The following DAB1 variants were observed in gnomAD, a reference collection of about 807,000 sequenced individuals.
The protein encoded by DAB1 is disabled homolog 1.
DAB1 carries 15 observed loss-of-function variants against 64.6 expected under a neutral mutation model. The observed-to-expected ratio is 0.23, with a 90% CI of 0.16 to 0.36. DAB1 has a LOEUF of 0.36. Ranked by LOEUF, DAB1 falls within the 10% of genes least tolerant of loss-of-function variation. The probability of loss-of-function intolerance (pLI) is 1.00; values close to 1 mark genes in which losing one functional copy is unlikely to be tolerated. For missense variants in DAB1, 596 were observed against 706.7 expected (o/e 0.84, Z 1.78); for synonymous variants, 235 against 251.9 (o/e 0.93, Z 0.64).
chr1:57,686,626 C>T (rs2101706372), intron 6 of DAB1, among the ~76,000 whole-genome samples: 1 of 152,230 alleles, frequency 6.6e-6, no homozygotes, highest in East Asian at 1.9e-4. Flanking sequence ...CCATATATCT[C>T]TGAGGAACAT....
chr1:58,275,086 C>T (rs1661409769), intron 4 of DAB1, among the ~76,000 whole-genome samples: 1 of 152,186 alleles, frequency 6.6e-6, no homozygotes, highest in Non-Finnish European at 1.5e-5. Context: ...AAGGAGAGGA[C>T]AATCTTTTCC....
At chr1:57,127,198 T>C (rs1197833640) in intron 4 of DAB1, among the ~76,000 whole-genome samples, 2 of 152,100 alleles carry the variant, frequency 1.3e-5, no homozygotes, top group Non-Finnish European at 2.9e-5. Flanking sequence ...AGAAAAACAA[T>C]AAGCAGTAGA....
intron 4 of DAB1, among the ~76,000 whole-genome samples, chr1:58,176,913 A>C (rs919050203): frequency 5.9e-5 from 9 of 151,632 alleles, no homozygotes; most frequent in Non-Finnish European, 8.8e-5. Flanking sequence ...TGGGAGGCGG[A>C]GCTTGCAGTG....
chr1:58,119,212 TTG>T (rs559199475), intron 5 of DAB1, among the ~76,000 whole-genome samples: 83 of 122,384 alleles, frequency 6.8e-4, no homozygotes, highest in African/African-American at 2.4e-3. Context: ...AAATCAAATA[TTG>T]TGTGTGTGTG....
At chr1:57,184,600 C>T (rs537240112) in intron 2 of DAB1, among the ~76,000 whole-genome samples, 1 of 152,152 alleles carries the variant, frequency 6.6e-6, no homozygotes, top group Admixed American at 6.5e-5. Flanking sequence ...TGATTCTACA[C>T]GGTGACGACA....
At chr1:57,173,234 A>G (rs1275918189) in intron 2 of DAB1, among the ~76,000 whole-genome samples, 3 of 152,146 alleles carry the variant, frequency 2.0e-5, no homozygotes, top group Non-Finnish European at 2.9e-5. Context: ...TGCCAGAGAA[A>G]GAAGCAGATG....
chr1:57,817,367 C>G (rs181201355), intron 6 of DAB1, among the ~76,000 whole-genome samples: 29 of 152,276 alleles, frequency 1.9e-4, no homozygotes, highest in African/African-American at 6.7e-4. Flanking sequence ...ATGCTAGAAG[C>G]ATTCTTCTGA....
At chr1:57,793,787 T>C (rs1650715321) in intron 6 of DAB1, among the ~76,000 whole-genome samples, 2 of 152,156 alleles carry the variant, frequency 1.3e-5, no homozygotes, top group South Asian at 2.1e-4. Flanking sequence ...TTACATGAGA[T>C]AATTGTTGTA....
chr1:58,234,606 G>C (rs1306520758), intron 4 of DAB1, among the ~76,000 whole-genome samples: 1 of 152,144 alleles, frequency 6.6e-6, no homozygotes, highest in Non-Finnish European at 1.5e-5. Context: ...TAGAATCACA[G>C]CCCTGGAAAG....
At chr1:58,509,065 A>T (rs1646032851) in intron 2 of DAB1, among the ~76,000 whole-genome samples, 1 of 152,162 alleles carries the variant, frequency 6.6e-6, no homozygotes, top group Admixed American at 6.5e-5. Flanking sequence ...TGCTGTGCTG[A>T]CTGGTGAAGA....
At chr1:57,053,642 A>ATCCCTCTC (rs1649412828) in intron 9 of DAB1, among the ~76,000 whole-genome samples, 1 of 126,284 alleles carries the variant, frequency 7.9e-6, no homozygotes, top group Non-Finnish European at 1.6e-5. Context: ...CCATCTAAGA[A>ATCCCTCTC]TCTCTCTCTC....
intron 9 of DAB1, among the ~76,000 whole-genome samples, chr1:57,055,413 A>T (rs745421521): frequency 1.3e-5 from 2 of 152,196 alleles, no homozygotes; most frequent in Non-Finnish European, 2.9e-5. Context: ...CAAGAAAGGG[A>T]TGATAACCAC....
chr1:57,173,784 G>A (rs1662022336), intron 2 of DAB1, among the ~76,000 whole-genome samples: 1 of 152,056 alleles, frequency 6.6e-6, no homozygotes, highest in African/African-American at 2.4e-5. Flanking sequence ...CTTATTAACA[G>A]AGTTCCCAGC....
At chr1:58,386,817 T>C (rs1479568903) in intron 3 of DAB1, among the ~76,000 whole-genome samples, 2 of 152,130 alleles carry the variant, frequency 1.3e-5, no homozygotes, top group Non-Finnish European at 2.9e-5. Context: ...CCCAGAACTT[T>C]GGGAGGCCGA....
intron 1 of DAB1, among the ~76,000 whole-genome samples, chr1:57,859,633 C>T (rs1653916391): frequency 6.6e-6 from 1 of 152,158 alleles, no homozygotes; most frequent in Non-Finnish European, 1.5e-5. Flanking sequence ...TCCTTTGGCT[C>T]GTTCTACCCT....
At chr1:57,059,516 G>A (rs573714365) in intron 9 of DAB1, among the ~76,000 whole-genome samples, 74 of 152,074 alleles carry the variant, frequency 4.9e-4, no homozygotes, top group Non-Finnish European at 9.4e-4. Context: ...GAAAGGTGGC[G>A]AAGGAGCAAA....
intron 5 of DAB1, among the ~76,000 whole-genome samples, chr1:57,897,537 A>G (rs1206152454): frequency 6.6e-6 from 1 of 152,198 alleles, no homozygotes. Context: ...TCATGCCTTC[A>G]TGATGGAGAC....
chr1:58,457,280 CAAG>C (rs1479483302), intron 3 of DAB1, among the ~76,000 whole-genome samples: 1 of 152,146 alleles, frequency 6.6e-6, no homozygotes, highest in Non-Finnish European at 1.5e-5. Flanking sequence ...AATATTGATC[CAAG>C]AAGTAGCGAG....
At chr1:57,181,979 G>A (rs972946308) in intron 2 of DAB1, among the ~76,000 whole-genome samples, 3 of 152,162 alleles carry the variant, frequency 2.0e-5, no homozygotes, top group Non-Finnish European at 2.9e-5. Flanking sequence ...TCTGCCTCCT[G>A]GGTTCAAGTG....
Sources: gnomAD v4.1 joint callset for allele counts (sites outside exome capture counted in the v4.1 genomes callset) on GRCh38, gnomAD v4.1.1 for gene constraint, MANE v1.5 for transcripts, NCBI Gene and HGNC (gene_info 2026-07-23, HGNC 2026-07-21) for gene names.